CNTN3: variants seen among roughly 807,000 people sequenced by gnomAD.
CNTN3 encodes the protein contactin 3, also known as contactin-3.
CNTN3 carries 60 observed loss-of-function variants against 119.1 expected under a neutral mutation model. The ratio of observed to expected loss-of-function variants is 0.50; its 90% CI spans 0.41 to 0.62. The LOEUF (loss-of-function observed/expected upper bound fraction) is 0.62, where lower values mean the gene tolerates loss of function less well. Among genes scored for constraint, CNTN3 ranks in the 20% least tolerant of loss-of-function variants. CNTN3 has a pLI of 0.00. For missense variants in CNTN3, 1,101 were observed against 1,242.4 expected (o/e 0.89, Z 1.71); for synonymous variants, 450 against 438.7 (o/e 1.03, Z -0.32).
At chr3:74,304,319 G>C (rs577747221) in intron 13 of CNTN3, among the ~76,000 whole-genome samples, 1 of 152,230 alleles carries the variant, frequency 6.6e-6, no homozygotes, top group South Asian at 2.1e-4. Context: ...CCTTCTCCTA[G>C]GGTTATTTAG....
intron 2 of CNTN3, among the ~76,000 whole-genome samples, chr3:74,501,396 C>T (rs950867678): frequency 2.0e-5 from 3 of 152,052 alleles, no homozygotes; most frequent in South Asian, 2.1e-4. Context: ...ACATCGATAC[C>T]GGAAGGGTCA....
chr3:74,327,689 T>C (rs1703165064), intron 13 of CNTN3, among the ~76,000 whole-genome samples: 1 of 152,278 alleles, frequency 6.6e-6, no homozygotes, highest in South Asian at 2.1e-4. Context: ...TATCTAGCCC[T>C]AAAATCCTTA....
intron 20 of CNTN3, among the ~76,000 whole-genome samples, chr3:74,282,306 T>G (rs1015886505): frequency 1.3e-5 from 2 of 152,220 alleles, no homozygotes; most frequent in Non-Finnish European, 1.5e-5. Context: ...ATTTAAAGCC[T>G]TGCATACAAA....
At chr3:74,364,710 A>G (rs1014360541) in intron 9 of CNTN3, 114 bp from the exon 10 acceptor site, 3 of 832,232 alleles carry the variant, frequency 3.6e-6, no homozygotes, top group Non-Finnish European at 5.5e-6. Context: ...TGAGAGTATT[A>G]GACAGGATGG....
At chr3:74,482,736 T>C (rs1702784101) in intron 4 of CNTN3, among the ~76,000 whole-genome samples, 1 of 152,094 alleles carries the variant, frequency 6.6e-6, no homozygotes. Context: ...AGAGAACATT[T>C]TTCAATGACA....
chr3:74,463,920 ATCTGTTTT>A (rs1702415852), intron 4 of CNTN3, among the ~76,000 whole-genome samples: 2 of 152,166 alleles, frequency 1.3e-5, no homozygotes, highest in African/African-American at 4.8e-5. Context: ...GAGCATATGT[ATCTGTTTT>A]TACTGTTTCT....
At chr3:74,569,176 C>T (rs781167671) in intron 1 of CNTN3, among the ~76,000 whole-genome samples, 22 of 152,176 alleles carry the variant, frequency 1.4e-4, no homozygotes, top group Non-Finnish European at 2.8e-4. Context: ...CCTCTAAAGA[C>T]TCATATCTGT....
intron 4 of CNTN3, among the ~76,000 whole-genome samples, chr3:74,456,562 A>T (rs1702274218): frequency 6.6e-6 from 1 of 152,082 alleles, no homozygotes; most frequent in Admixed American, 6.6e-5. Context: ...AAAACACAAA[A>T]AGATCATCTG....
At chr3:74,347,282 T>A (rs2106739430) in intron 11 of CNTN3, among the ~76,000 whole-genome samples, 1 of 152,304 alleles carries the variant, frequency 6.6e-6, no homozygotes, top group African/African-American at 2.4e-5. Flanking sequence ...CGCTCTGTCA[T>A]CCAGGTTGGA....
chr3:74,293,178 T>C (rs1240423255), intron 19 of CNTN3, among the ~76,000 whole-genome samples: 1 of 152,172 alleles, frequency 6.6e-6, no homozygotes, highest in Non-Finnish European at 1.5e-5. Context: ...TTGGATTGAG[T>C]GGGTCCTGGG....
chr3:74,313,850 G>A (rs1360966682), intron 13 of CNTN3, among the ~76,000 whole-genome samples: 1 of 152,128 alleles, frequency 6.6e-6, no homozygotes, highest in African/African-American at 2.4e-5. Flanking sequence ...TCTGGGGAAA[G>A]ACATAGAAAG....
chr3:74,452,141 C>T (rs1210355613), intron 4 of CNTN3, among the ~76,000 whole-genome samples: 3 of 142,694 alleles, frequency 2.1e-5, no homozygotes, highest in Non-Finnish European at 3.1e-5. Flanking sequence ...TTCTTCCTAC[C>T]CATGAGCATG....
intron 19 of CNTN3, among the ~76,000 whole-genome samples, chr3:74,286,716 G>A (rs891529535): frequency 6.6e-6 from 1 of 152,192 alleles, no homozygotes; most frequent in Non-Finnish European, 1.5e-5. Context: ...AATTCACTCT[G>A]AGTTTAGAGT....
intron 1 of CNTN3, among the ~76,000 whole-genome samples, chr3:74,543,188 A>G (rs929423420): frequency 6.6e-6 from 1 of 152,214 alleles, no homozygotes; most frequent in Non-Finnish European, 1.5e-5. Context: ...CAGAAAGTAC[A>G]TGAAATGCAT....
chr3:74,528,924 C>G (rs1334796166), intron 1 of CNTN3, among the ~76,000 whole-genome samples: 1 of 151,846 alleles, frequency 6.6e-6, no homozygotes, highest in African/African-American at 2.4e-5. Flanking sequence ...CAGCAACTCT[C>G]TTTGGGATGA....
At chr3:74,365,426 G>T in intron 9 of CNTN3, 140 bp downstream of exon 9, 1 of 1,084,344 alleles carries the variant, frequency 9.2e-7, no homozygotes, top group Non-Finnish European at 1.4e-6. Flanking sequence ...CTGTACCACT[G>T]CTTAGAAGTA....
chr3:74,429,596 G>A (rs1701750528), intron 4 of CNTN3, among the ~76,000 whole-genome samples: 1 of 152,036 alleles, frequency 6.6e-6, no homozygotes, highest in Non-Finnish European at 1.5e-5. Flanking sequence ...TTTTAGACTT[G>A]ACACCAATTG....
intron 5 of CNTN3, among the ~76,000 whole-genome samples, chr3:74,411,274 G>A (rs545705499): frequency 6.8e-4 from 103 of 152,130 alleles, no homozygotes; most frequent in Middle Eastern, 3.4e-3. Flanking sequence ...TGTACACAAA[G>A]CTGCCCCCTT....
At chr3:74,597,068 A>G (rs1398005591) in intron 1 of CNTN3, among the ~76,000 whole-genome samples, 1 of 152,056 alleles carries the variant, frequency 6.6e-6, no homozygotes, top group Non-Finnish European at 1.5e-5. Context: ...ATAAAATTCT[A>G]AGGTTACAAC....
Sources: gnomAD v4.1 joint callset for allele counts (sites outside exome capture counted in the v4.1 genomes callset) on GRCh38, gnomAD v4.1.1 for gene constraint, MANE v1.5 for transcripts, NCBI Gene and HGNC (gene_info 2026-07-23, HGNC 2026-07-21) for gene names.